LONRF1: variants seen among roughly 807,000 people sequenced by gnomAD.
LONRF1 encodes the protein LON peptidase N-terminal domain and RING finger protein 1.
A neutral mutation model predicts 85.8 loss-of-function variants in LONRF1; 37 were observed. The observed-to-expected ratio is 0.43, with a 90% CI of 0.33 to 0.57. The LOEUF is 0.57. LONRF1 is among the 20% of genes least tolerant of loss of function. LONRF1 has a pLI of 0.04. For missense variants in LONRF1, 1,036 were observed against 978.0 expected, an observed-to-expected ratio of 1.06 and a Z score of -0.79; for synonymous variants, 517 against 390.1, an observed-to-expected ratio of 1.33 and a Z score of -3.83.
Position 12,738,066 on chromosome 8 carries a change from T to C in LONRF1, c.1042A>G (p.Lys348Glu), listed in dbSNP as rs1367864095. The stretch of plus-strand genomic sequence containing the variant: ...GAATGAAAATCAAAAGGTCTGTTTT[T>C]AGTACATGGTAATGAACTCCAGGAA... ...ESSWSSLPCT[K>E]NRPFDFHSVM... is the part of the protein sequence containing the mutation. Residue 348 changes from lysine (K) to glutamate (E), a missense_variant, in exon 4 of 12, where the codon AAA (lysine) becomes GAA (glutamate). Lys to Glu is a moderately conservative substitution (Grantham distance 56). This residue lies in a region of LONRF1 where 742 missense variants were observed against 614.4 expected (regional missense o/e 1.21). Transcript: ENST00000398246. 1.2e-6 allele frequency: 2 copies of C among 1,610,638 alleles called. No homozygotes were observed. The highest frequency in any genetic ancestry group is 2.2e-5 in the East Asian group (1 of 44,782).
chr8:12,736,654 TA>T, intron 6 of LONRF1, 46 bp downstream of exon 6: 21 of 1,235,430 alleles, frequency 1.7e-5, no homozygotes, highest in East Asian at 2.4e-5. Flanking sequence ...GTATTTTATG[TA>T]TACTAACATA....
chr8:12,730,913 C>T lies in LONRF1; in HGVS notation c.1688+823G>A, dbSNP rs576745424. Reference sequence around the variant, plus strand: ...TTTATATTTTGAAAATCAATGGAAACAAAAAGTTGTTAAATAAAACAGCAT... The same window carrying T: ...TTTATATTTTGAAAATCAATGGAAATAAAAAGTTGTTAAATAAAACAGCAT... On this transcript the variant is annotated intron_variant, in intron 8 of 11. Transcript: ENST00000398246. Among the ~76,000 whole-genome samples the T allele has an allele frequency of 7.2e-5, 11 of 152,006 alleles. No individual in the cohort carries two copies. In the South Asian group the frequency reaches 2.3e-3, roughly 32 times the overall value.
intron 7 of LONRF1, among the ~76,000 whole-genome samples, chr8:12,735,057 T>A (rs962092852): frequency 2.0e-5 from 3 of 151,886 alleles, no homozygotes; most frequent in African/African-American, 7.3e-5. Flanking sequence ...AAAAAAAAAA[T>A]TAAGTACAAG....
intron 1 of LONRF1, among the ~76,000 whole-genome samples, chr8:12,748,777 C>T (rs970941301): frequency 1.1e-4 from 17 of 149,106 alleles, no homozygotes; most frequent in Non-Finnish European, 1.8e-4. Flanking sequence ...ATCAAGCTAT[C>T]GAAATTTTCA....
chr8:12,752,858 A>G (rs1563162534), intron 1 of LONRF1, among the ~76,000 whole-genome samples: 2 of 152,260 alleles, frequency 1.3e-5, no homozygotes, highest in South Asian at 4.1e-4. Context: ...GTGACCAAAA[A>G]AACTTCCTTG....
chr8:12,745,321 G>GAAA lies in LONRF1; in HGVS notation c.722-2042_722-2040dup, dbSNP rs36196945. Among the ~76,000 whole-genome samples, 19 of 122,320 alleles carry GAAA rather than the reference G, an allele frequency of 1.6e-4. No homozygotes were observed. In the South Asian group the frequency reaches 1.6e-3, roughly 10 times the overall value. 80.2% of individuals were successfully genotyped at this position (122,320 alleles called of 152,430 possible). A position where few individuals can be genotyped will look rare whatever the true frequency, so the allele number is the denominator to read the frequency against. On this transcript the variant is annotated intron_variant, in intron 1 of 11. Transcript: ENST00000398246. ...ATTATTTTGAATGATTATTTTTTTG[G>GAAA]AAAAAAAAAAAAAAAAAAAAAAAAC...
chr8:12,748,951 T>C (rs1343099673), intron 1 of LONRF1, among the ~76,000 whole-genome samples: 2 of 152,170 alleles, frequency 1.3e-5, no homozygotes, highest in Non-Finnish European at 2.9e-5. Context: ...AGTAAGATCA[T>C]TAACACTAGA....
At chr8:12,751,986 A>G (rs1799425374) in intron 1 of LONRF1, among the ~76,000 whole-genome samples, 1 of 152,240 alleles carries the variant, frequency 6.6e-6, no homozygotes, top group African/African-American at 2.4e-5. Flanking sequence ...AATTCAACAG[A>G]AACTTATGTA....
Position 12,743,291 on chromosome 8 carries a change from A to C in LONRF1, c.722-9T>G. ...AATCAAGTCACTGGGTTCTGAAATA[A>C]ATATTTTATAAGGATATGATTATTT... On this transcript the variant is annotated splice_polypyrimidine_tract_variant and intron_variant, in intron 1 of 11. Transcript: ENST00000398246. 3 of 1,387,506 alleles carry C rather than the reference A, an allele frequency of 2.2e-6. No individual in the cohort carries two copies. The highest frequency in any genetic ancestry group is 3.1e-6 in the Non-Finnish European group (3 of 980,678). 85.9% of individuals were successfully genotyped at this position (1,387,506 alleles called of 1,614,324 possible).
At chr8:12,724,103 G>A (rs575001497) in intron 11 of LONRF1, among the ~76,000 whole-genome samples, 1 of 152,168 alleles carries the variant, frequency 6.6e-6, no homozygotes. Flanking sequence ...CTATATTTGT[G>A]TATTGTCCGC....
Position 12,730,785 on chromosome 8 carries a change from C to T in LONRF1, c.1688+951G>A, listed in dbSNP as rs192364805. On this transcript the variant is annotated intron_variant, in intron 8 of 11. Transcript: ENST00000398246. Reference sequence around the variant, plus strand: ...TCTATAAAGAGTGGAAATCTTTCTTCTGTGGAAGGCACCTGGCTCACTGAA... The same window carrying T: ...TCTATAAAGAGTGGAAATCTTTCTTTTGTGGAAGGCACCTGGCTCACTGAA... Among the ~76,000 whole-genome samples, 23 of 152,234 alleles carry T rather than the reference C, an allele frequency of 1.5e-4. No homozygotes were observed. The East Asian group carries it at 4.3e-3, about 28-fold the overall frequency.
chr8:12,731,709 T>A (rs565381367), intron 8 of LONRF1, 27 bp downstream of exon 8: 1 of 1,597,772 alleles, frequency 6.3e-7, no homozygotes, highest in Non-Finnish European at 8.5e-7. Flanking sequence ...TAGTAGTTCA[T>A]AATTTTTTTT....
intron 10 of LONRF1, 150 bp from the exon 11 acceptor site, chr8:12,726,029 A>C (rs1455623169): frequency 4.4e-6 from 3 of 682,988 alleles, no homozygotes; most frequent in Non-Finnish European, 7.1e-6. Context: ...CCTATGCTTT[A>C]ATACACATTT....
At chr8:12,750,256 C>T (rs1253225371) in intron 1 of LONRF1, among the ~76,000 whole-genome samples, 1 of 152,208 alleles carries the variant, frequency 6.6e-6, no homozygotes, top group African/African-American at 2.4e-5. Flanking sequence ...ACCATACAGA[C>T]ATCAGTGTTT....
At chr8:12,741,082 G>T in intron 2 of LONRF1, 86 bp from the exon 3 acceptor site, 1 of 1,488,804 alleles carries the variant, frequency 6.7e-7, no homozygotes, top group Non-Finnish European at 9.1e-7. Flanking sequence ...ACAATAGTCT[G>T]CTCAGCAGTG....
chr8:12,745,556 C>T (rs1585252356), intron 1 of LONRF1, among the ~76,000 whole-genome samples: 1 of 152,296 alleles, frequency 6.6e-6, no homozygotes, highest in East Asian at 1.9e-4. Context: ...AAAGAGTCAA[C>T]AAGTATTTAC....
At chr8:12,754,614 C>T (rs1799556365) in intron 1 of LONRF1, 86 bp downstream of exon 1, 1 of 1,236,170 alleles carries the variant, frequency 8.1e-7, no homozygotes, top group Non-Finnish European at 1.0e-6. Context: ...AGGAGACTCT[C>T]GGGGCGCAGA....
At position 12,755,495 on chromosome 8, in the gene LONRF1, G is replaced by C. The variant is rs1489004201; in HGVS notation, c.-75C>G. 10 of 803,406 alleles carry C rather than the reference G, an allele frequency of 1.2e-5. No individual in the cohort carries two copies. The highest frequency in any genetic ancestry group is 1.4e-5 in the Non-Finnish European group (9 of 657,478). 49.8% of individuals were successfully genotyped at this position (803,406 alleles called of 1,614,324 possible). Reference sequence around the variant, plus strand: ...CTCCCGGGCGCGCGGCTCCGCACGCGGCCCGCGAGCAGGGGGGCGTGGCGC... The same window carrying C: ...CTCCCGGGCGCGCGGCTCCGCACGCCGCCCGCGAGCAGGGGGGCGTGGCGC... On this transcript the variant is annotated 5_prime_UTR_variant, in exon 1 of 12. Coordinates refer to ENST00000398246, the MANE Select transcript of LONRF1 (RefSeq NM_152271.5).
In LONRF1 at chr8:12,746,783, T is replaced by C. The variant is rs77865040; in HGVS notation, c.722-3501A>G. On this transcript the variant is annotated intron_variant, in intron 1 of 11. Transcript: ENST00000398246. ...CCATGATCATACAGCTAGTAATTGG[T>C]GGATTCGAGATTCTAACTCAGGAAG... 5.1e-3 allele frequency among the ~76,000 whole-genome samples: 777 copies of C among 152,266 alleles called. 3 individuals carry two copies. Among genetic ancestry groups the C allele is most frequent in the Admixed American group, 8.0e-3 (122 of 15,290 alleles).
Sources: gnomAD v4.1 joint callset for allele counts (sites outside exome capture counted in the v4.1 genomes callset) on GRCh38, gnomAD v4.1.1 for gene constraint, gnomAD v4.1.1 regional missense constraint, MANE v1.5 for transcripts, NCBI Gene and HGNC (gene_info 2026-07-23, HGNC 2026-07-21) for gene names.